The following SGCZ variants were observed in gnomAD, a reference collection of about 807,000 sequenced individuals.
The protein encoded by SGCZ is sarcoglycan zeta.
SGCZ carries 40 observed loss-of-function variants against 41.3 expected under a neutral mutation model. The observed-to-expected ratio is 0.97, with a 90% CI of 0.75 to 1.26. The LOEUF (loss-of-function observed/expected upper bound fraction) is 1.26, where lower values mean the gene tolerates loss of function less well. Ranked by LOEUF, SGCZ falls within the 50% of genes most tolerant of loss-of-function variation. The pLI is 0.00. For synonymous variants in SGCZ, 206 were observed against 137.5 expected (o/e 1.50, Z -3.49); for missense variants, 552 against 369.8 (o/e 1.49, Z -4.04).
chr8:15,027,806 CATA>C (rs1243968776), intron 1 of SGCZ, among the ~76,000 whole-genome samples: 7 of 151,890 alleles, frequency 4.6e-5, no homozygotes, highest in African/African-American at 1.7e-4. Context: ...AAAAAGTACT[CATA>C]ATTTTTTATT....
intron 2 of SGCZ, among the ~76,000 whole-genome samples, chr8:14,405,995 T>C (rs894400954): frequency 2.0e-5 from 3 of 152,140 alleles, no homozygotes; most frequent in Non-Finnish European, 4.4e-5. Context: ...TAAATACAAG[T>C]AGCCAAATAC....
intron 1 of SGCZ, among the ~76,000 whole-genome samples, chr8:14,834,249 T>C (rs1802624112): frequency 6.6e-6 from 1 of 152,234 alleles, no homozygotes; most frequent in African/African-American, 2.4e-5. Context: ...ATAGATTCTA[T>C]GGATTTATAT....
intron 1 of SGCZ, among the ~76,000 whole-genome samples, chr8:14,929,321 G>A (rs1021157398): frequency 6.6e-6 from 1 of 152,124 alleles, no homozygotes; most frequent in Admixed American, 6.6e-5. Flanking sequence ...TGCTCCTAGT[G>A]TAGACACTCT....
chr8:14,846,482 T>G (rs891391783), intron 1 of SGCZ, among the ~76,000 whole-genome samples: 1 of 151,728 alleles, frequency 6.6e-6, no homozygotes. Flanking sequence ...ATATTAGAAA[T>G]GAGAAAAGTC....
intron 2 of SGCZ, among the ~76,000 whole-genome samples, chr8:14,529,036 A>G (rs1585051734): frequency 6.6e-6 from 1 of 152,008 alleles, no homozygotes; most frequent in African/African-American, 2.4e-5. Context: ...TCTCATCAAC[A>G]TATTTCTCTC....
At position 14,118,426 on chromosome 8, in the gene SGCZ, T is replaced by C. The variant is rs940532108; in HGVS notation, c.548-10191A>G. Among the ~76,000 whole-genome samples, 38 of 151,890 alleles carry C rather than the reference T, an allele frequency of 2.5e-4. 1 individual carries two copies. The highest frequency in any genetic ancestry group is 8.8e-5 in the Non-Finnish European group (6 of 67,844). On this transcript the variant is annotated intron_variant, in intron 5 of 7. Coordinates refer to ENST00000382080, the MANE Select transcript of SGCZ (RefSeq NM_139167.4). ...CTTTTTGATGGGGTTGTTTTTTTCT[T>C]GTAAATTTAAGTTCTTTGTAGATTC...
chr8:14,615,526 C>A (rs554088425), intron 1 of SGCZ, among the ~76,000 whole-genome samples: 5 of 152,262 alleles, frequency 3.3e-5, no homozygotes, highest in African/African-American at 1.2e-4. Flanking sequence ...TTTCTTTTAA[C>A]AAGTATCAAG....
chr8:14,330,775 T>G (rs1276954794), intron 2 of SGCZ, among the ~76,000 whole-genome samples: 3 of 151,948 alleles, frequency 2.0e-5, no homozygotes, highest in Non-Finnish European at 4.4e-5. Flanking sequence ...ACCAGAGAAA[T>G]GTAATGGCCA....
intron 1 of SGCZ, among the ~76,000 whole-genome samples, chr8:14,619,812 C>T (rs1806224589): frequency 6.6e-6 from 1 of 152,176 alleles, no homozygotes; most frequent in Non-Finnish European, 1.5e-5. Flanking sequence ...AATGGAAACA[C>T]ATTCCATGCT....
chr8:14,378,983 A>T (rs147493336), intron 2 of SGCZ, among the ~76,000 whole-genome samples: 16 of 152,326 alleles, frequency 1.1e-4, no homozygotes, highest in African/African-American at 3.8e-4. Context: ...ATGCTTTCTT[A>T]CGTAATATAA....
At position 14,425,987 on chromosome 8, in the gene SGCZ, T is replaced by G. The variant is rs1799771648; in HGVS notation, c.235-101783A>C. Among the ~76,000 whole-genome samples, 3 of 151,926 alleles carry G rather than the reference T, an allele frequency of 2.0e-5. 1 individual carries two copies. In the South Asian group the frequency reaches 6.2e-4, roughly 32 times the overall value. ...CACAATTTTAAAGCACTTATGTACC[T>G]AAATATTAATTAACATTAATTAACA... On this transcript the variant is annotated intron_variant, in intron 2 of 7. Transcript: ENST00000382080.
chr8:14,217,556 TAAAC>T (rs2117111724), intron 4 of SGCZ, among the ~76,000 whole-genome samples: 1 of 134,000 alleles, frequency 7.5e-6, no homozygotes, highest in African/African-American at 2.6e-5. Flanking sequence ...GTTCACCTCA[TAAAC>T]AAAAAAAGCA....
Position 15,135,544 on chromosome 8 carries a change from T to C in SGCZ, c.39+102041A>G, listed in dbSNP as rs537207610. Among the ~76,000 whole-genome samples, 6 of 152,328 alleles carry C rather than the reference T, an allele frequency of 3.9e-5. No individual in the cohort carries two copies. In the South Asian group the frequency reaches 8.3e-4, roughly 21 times the overall value. On this transcript the variant is annotated intron_variant, in intron 1 of 7. Coordinates refer to ENST00000382080, the MANE Select transcript of SGCZ (RefSeq NM_139167.4). ...TTTTCTACATATTTACCAACTCTAA[T>C]AGATGGAGCTGCATTTTGAGCAAGA...
Position 14,246,834 on chromosome 8 carries a change from C to T in SGCZ, c.337-9155G>A, listed in dbSNP as rs867012333. Among the ~76,000 whole-genome samples, 162 of 147,950 alleles carry T rather than the reference C, an allele frequency of 1.1e-3. No homozygotes were observed. In the Middle Eastern group the frequency reaches 0.018, roughly 16 times the overall value. On this transcript the variant is annotated intron_variant, in intron 3 of 7. Coordinates refer to ENST00000382080, the MANE Select transcript of SGCZ (RefSeq NM_139167.4). ...CTGAGGCAGTAGAATGGCATGAACC[C>T]GGGAGGCAGAGCTTGCAGTGAGCCG... is the stretch of plus-strand genomic sequence containing the variant.
chr8:14,852,659 T>C (rs1018778932), intron 1 of SGCZ, among the ~76,000 whole-genome samples: 1 of 152,172 alleles, frequency 6.6e-6, no homozygotes, highest in Non-Finnish European at 1.5e-5. Flanking sequence ...CCTACAAACA[T>C]CTTGTCTTTT....
intron 4 of SGCZ, among the ~76,000 whole-genome samples, chr8:14,210,423 G>T (rs1026534640): frequency 3.3e-5 from 5 of 150,968 alleles, no homozygotes; most frequent in African/African-American, 9.7e-5. Flanking sequence ...ACCCTTAATT[G>T]TTCCCTTTCT....
At chr8:14,995,695 T>A (rs947111624) in intron 1 of SGCZ, among the ~76,000 whole-genome samples, 2 of 152,200 alleles carry the variant, frequency 1.3e-5, no homozygotes, top group African/African-American at 2.4e-5. Context: ...AAGTTCAGCG[T>A]CTTCACATGT....
At chr8:14,615,460 T>C (rs1402004628) in intron 1 of SGCZ, among the ~76,000 whole-genome samples, 3 of 152,222 alleles carry the variant, frequency 2.0e-5, no homozygotes, top group Admixed American at 6.5e-5. Flanking sequence ...TACTGCCTGA[T>C]TCATAAATAG....
At chr8:14,114,104 C>CT (rs1353631940) in intron 5 of SGCZ, among the ~76,000 whole-genome samples, 1 of 152,032 alleles carries the variant, frequency 6.6e-6, no homozygotes, top group Non-Finnish European at 1.5e-5. Flanking sequence ...TAACTTACGA[C>CT]TTTCTTGAAG....
Sources: gnomAD v4.1 joint callset for allele counts (sites outside exome capture counted in the v4.1 genomes callset) on GRCh38, gnomAD v4.1.1 for gene constraint, MANE v1.5 for transcripts, NCBI Gene and HGNC (gene_info 2026-07-23, HGNC 2026-07-21) for gene names.